Variants in ARB2A observed in about 807,000 individuals in gnomAD.
ARB2A encodes cotranscriptional regulator ARB2A.
chr5:94,019,205 A>G, the ARB2A span, among the ~76,000 whole-genome samples: 5 of 152,140 alleles, frequency 3.3e-5, no homozygotes, highest in African/African-American at 1.2e-4. Context: ...AACCATAAAA[A>G]CCCTAGAAGA....
the ARB2A span, among the ~76,000 whole-genome samples, chr5:93,695,563 AG>A: frequency 2.2e-3 from 333 of 152,296 alleles, no homozygotes; most frequent in African/African-American, 7.7e-3. Flanking sequence ...GTAGAGAAAT[AG>A]GAACACTTTT....
the ARB2A span, among the ~76,000 whole-genome samples, chr5:93,806,267 C>T: frequency 6.6e-6 from 1 of 151,832 alleles, no homozygotes; most frequent in East Asian, 1.9e-4. Flanking sequence ...CTTTTATATG[C>T]CTTTTTCATT....
chr5:93,789,610 A>G, the ARB2A span, among the ~76,000 whole-genome samples: 2 of 152,082 alleles, frequency 1.3e-5, no homozygotes, highest in East Asian at 3.9e-4. Flanking sequence ...ATCACTTTAC[A>G]CTTCTGCCTG....
At chr5:93,856,814 G>A in the ARB2A span, among the ~76,000 whole-genome samples, 6 of 152,056 alleles carry the variant, frequency 3.9e-5, no homozygotes, top group Middle Eastern at 3.4e-3. Flanking sequence ...GCTTTGTTCC[G>A]TTACTGGTGA....
the ARB2A span, among the ~76,000 whole-genome samples, chr5:93,991,729 A>T: frequency 1.3e-5 from 2 of 152,086 alleles, no homozygotes; most frequent in East Asian, 3.8e-4. Context: ...TCCCTCAAAT[A>T]AAAGATTGGC....
At chr5:93,915,879 T>C in the ARB2A span, among the ~76,000 whole-genome samples, 1 of 152,000 alleles carries the variant, frequency 6.6e-6, no homozygotes, top group African/African-American at 2.4e-5. Flanking sequence ...AGAAGAAAGA[T>C]TAGGAAAGCT....
chr5:93,975,863 C>T, the ARB2A span, among the ~76,000 whole-genome samples: 24 of 152,226 alleles, frequency 1.6e-4, no homozygotes, highest in African/African-American at 5.8e-4. Context: ...ACGCAAAGAG[C>T]TAGTACCAAT....
At chr5:93,827,910 C>T in the ARB2A span, among the ~76,000 whole-genome samples, 3 of 152,170 alleles carry the variant, frequency 2.0e-5, no homozygotes, top group Admixed American at 6.5e-5. Flanking sequence ...TAGTCGTAGG[C>T]ATGCGGCGTT....
At chr5:93,638,766 G>C in the ARB2A span, among the ~76,000 whole-genome samples, 2 of 151,996 alleles carry the variant, frequency 1.3e-5, no homozygotes, top group African/African-American at 4.8e-5. Context: ...GAGGCAGATG[G>C]TGCGATGAGC....
chr5:93,993,192 T>C, the ARB2A span, among the ~76,000 whole-genome samples: 3 of 152,264 alleles, frequency 2.0e-5, no homozygotes, highest in East Asian at 5.8e-4. Flanking sequence ...ATATATAATA[T>C]GTAACTTCAG....
chr5:94,006,753 AT>A, the ARB2A span, among the ~76,000 whole-genome samples: 13 of 152,334 alleles, frequency 8.5e-5, no homozygotes, highest in Middle Eastern at 3.4e-3. Flanking sequence ...AGGAGTATAC[AT>A]TTTTAAAGGC....
chr5:93,723,965 G>C, the ARB2A span, among the ~76,000 whole-genome samples: 1 of 152,006 alleles, frequency 6.6e-6, no homozygotes, highest in African/African-American at 2.4e-5. Flanking sequence ...CAGAGATTTA[G>C]AGCAAGAGTC....
At chr5:93,982,152 G>A in the ARB2A span, among the ~76,000 whole-genome samples, 1 of 152,188 alleles carries the variant, frequency 6.6e-6, no homozygotes, top group Non-Finnish European at 1.5e-5. Flanking sequence ...TATTGGGAAT[G>A]CAATGAGAGG....
chr5:93,761,841 ACTC>A, the ARB2A span, among the ~76,000 whole-genome samples: 2 of 152,116 alleles, frequency 1.3e-5, no homozygotes, highest in Non-Finnish European at 2.9e-5. Context: ...ACGGCCAGGT[ACTC>A]CTCTGAGACA....
At chr5:93,987,437 G>C in the ARB2A span, among the ~76,000 whole-genome samples, 1 of 152,098 alleles carries the variant, frequency 6.6e-6, no homozygotes, top group African/African-American at 2.4e-5. Flanking sequence ...GGTCTAATTA[G>C]AACCAAAGGA....
At chr5:93,831,530 T>C in the ARB2A span, among the ~76,000 whole-genome samples, 1 of 152,018 alleles carries the variant, frequency 6.6e-6, no homozygotes, top group East Asian at 1.9e-4. Context: ...GCAGCCCAGA[T>C]TACACAAAGC....
chr5:93,842,707 G>T, the ARB2A span, among the ~76,000 whole-genome samples: 1 of 152,178 alleles, frequency 6.6e-6, no homozygotes, highest in Non-Finnish European at 1.5e-5. Flanking sequence ...AAAGCATAGG[G>T]ACAGGATTCC....
the ARB2A span, among the ~76,000 whole-genome samples, chr5:94,036,468 C>A: frequency 3.9e-5 from 6 of 152,288 alleles, no homozygotes; most frequent in Middle Eastern, 3.4e-3. Context: ...TTGGCAATTT[C>A]TCCTTTAAAG....
the ARB2A span, among the ~76,000 whole-genome samples, chr5:93,903,442 T>C: frequency 6.6e-6 from 1 of 152,076 alleles, no homozygotes; most frequent in African/African-American, 2.4e-5. Context: ...TAAAGTCATA[T>C]ACATGTAAAA....
Sources: allele counts gnomAD v4.1 joint callset (sites outside exome capture counted in the v4.1 genomes callset), GRCh38; gene constraint gnomAD v4.1.1; transcripts MANE v1.5; gene names NCBI Gene and HGNC (gene_info 2026-07-23, HGNC 2026-07-21).